Variants in UBE2H observed in about 807,000 individuals in gnomAD.
UBE2H encodes ubiquitin conjugating enzyme E2 H, also known as ubiquitin-conjugating enzyme E2 H.
Under a neutral mutation model 29.0 loss-of-function variants are expected in UBE2H, and 3 were observed. That is an observed-to-expected ratio of 0.10 (90% CI 0.05 to 0.27). The LOEUF is 0.27. Ranked by LOEUF, UBE2H falls within the 10% of genes least tolerant of loss-of-function variation. The pLI is 1.00. For missense variants in UBE2H, 68 were observed against 228.2 expected (o/e 0.30, Z 4.52); for synonymous variants, 69 against 82.9 (o/e 0.83, Z 0.91).
At chr7:129,885,083 AAC>A (rs1446885445) in intron 1 of UBE2H, among the ~76,000 whole-genome samples, 1 of 151,904 alleles carries the variant, frequency 6.6e-6, no homozygotes, top group African/African-American at 2.4e-5. Flanking sequence ...AAAGGCAAAA[AAC>A]ACAAACCACA....
At chr7:129,905,662 C>G (rs1806801110) in intron 1 of UBE2H, among the ~76,000 whole-genome samples, 1 of 152,148 alleles carries the variant, frequency 6.6e-6, no homozygotes, top group African/African-American at 2.4e-5. Flanking sequence ...GTGAACCTCA[C>G]AGACACAGAA....
In UBE2H at chr7:129,832,112, A is replaced by G. The variant is rs1184863459; in HGVS notation, c.*2825T>C. The G allele has an allele frequency of 1.3e-5, 2 of 152,232 alleles. No individual in the cohort carries two copies. The highest frequency in any genetic ancestry group is 2.4e-5 in the African/African-American group (1 of 41,436). The allele number at this position is 152,232 out of a possible 1,614,324, so 9.4% of individuals were successfully genotyped here. On this transcript the variant is annotated 3_prime_UTR_variant, in exon 7 of 7. Transcript: ENST00000355621. ...AACACCGCTGCTCCAGACTTACGCT[A>G]CCATCTATTGTTGGGGGCCCAGAGT... is the stretch of plus-strand genomic sequence containing the variant.
At chr7:129,851,013 CA>C (rs931389618) in intron 5 of UBE2H, among the ~76,000 whole-genome samples, 1 of 152,110 alleles carries the variant, frequency 6.6e-6, no homozygotes, top group Non-Finnish European at 1.5e-5. Flanking sequence ...ACCAGGCCAC[CA>C]AACTGAGGTG....
At chr7:129,938,413 CAAAAAA>C (rs34454670) in intron 1 of UBE2H, among the ~76,000 whole-genome samples, 10 of 38,040 alleles carry the variant, frequency 2.6e-4, no homozygotes, top group African/African-American at 1.2e-3. Context: ...CTGCCTCATT[CAAAAAA>C]AAAAAAAAAA....
chr7:129,899,002 C>A (rs2116416968), intron 1 of UBE2H, among the ~76,000 whole-genome samples: 1 of 152,284 alleles, frequency 6.6e-6, no homozygotes, highest in Admixed American at 6.5e-5. Flanking sequence ...TCTGTAAATA[C>A]CTCTGCCCAT....
At chr7:129,934,167 C>T (rs1254374789) in intron 1 of UBE2H, among the ~76,000 whole-genome samples, 1 of 151,998 alleles carries the variant, frequency 6.6e-6, no homozygotes, top group Non-Finnish European at 1.5e-5. Context: ...ACTAAAATTA[C>T]AAAAATTATC....
intron 1 of UBE2H, among the ~76,000 whole-genome samples, chr7:129,936,337 GT>G (rs1221802702): frequency 2.6e-5 from 4 of 152,330 alleles, no homozygotes; most frequent in African/African-American, 9.6e-5. Context: ...GCTCACGCCT[GT>G]AATCCCAGTA....
intron 1 of UBE2H, among the ~76,000 whole-genome samples, chr7:129,934,767 AT>A (rs574495704): frequency 1.8e-4 from 27 of 151,536 alleles, no homozygotes; most frequent in African/African-American, 6.3e-4. Flanking sequence ...ATATAAAAAA[AT>A]AAAATAAAAA....
intron 1 of UBE2H, among the ~76,000 whole-genome samples, chr7:129,928,408 G>A (rs188994164): frequency 1.5e-4 from 23 of 152,294 alleles, no homozygotes; most frequent in African/African-American, 5.5e-4. Context: ...TTCAAGACCA[G>A]CCTCGCCAAC....
At chr7:129,870,587 C>T (rs538107201) in intron 3 of UBE2H, among the ~76,000 whole-genome samples, 13 of 152,180 alleles carry the variant, frequency 8.5e-5, no homozygotes, top group African/African-American at 2.9e-4. Flanking sequence ...GTCTTCACAG[C>T]GGTGTATGTC....
chr7:129,904,484 C>T (rs1806777666), intron 1 of UBE2H, among the ~76,000 whole-genome samples: 1 of 152,174 alleles, frequency 6.6e-6, no homozygotes, highest in South Asian at 2.1e-4. Context: ...ACATGCCCAA[C>T]AGACCATCCC....
Position 129,832,491 on chromosome 7 carries a change from CACAT to C in UBE2H, c.*2442_*2445del, listed in dbSNP as rs1390614251. On this transcript the variant is annotated 3_prime_UTR_variant, in exon 7 of 7. Coordinates refer to ENST00000355621, the MANE Select transcript of UBE2H (RefSeq NM_003344.4). ...TCGCTCACACTCTCACACATGTGCA[CACAT>C]ACACACACTCTCTCTCTCTGCAGCC... is the stretch of plus-strand genomic sequence containing the variant. 1.4e-4 allele frequency: 2 copies of C among 14,524 alleles called. No individual in the cohort carries two copies. The highest frequency in any genetic ancestry group is 4.5e-4 in the African/African-American group (2 of 4,478). The allele number at this position is 14,524 out of a possible 1,614,324, so 0.9% of individuals were successfully genotyped here.
intron 3 of UBE2H, among the ~76,000 whole-genome samples, chr7:129,866,474 G>A (rs1421857515): frequency 2.0e-5 from 3 of 152,062 alleles, no homozygotes; most frequent in Non-Finnish European, 2.9e-5. Context: ...TCGCTGGGTC[G>A]TTCATATAAC....
chr7:129,929,415 CAA>C (rs936074827), intron 1 of UBE2H, among the ~76,000 whole-genome samples: 11 of 151,650 alleles, frequency 7.3e-5, no homozygotes, highest in Admixed American at 7.2e-4. Flanking sequence ...CCTCTCCACA[CAA>C]AAAGAGACAC....
chr7:129,925,088 G>A (rs949425110), intron 1 of UBE2H, among the ~76,000 whole-genome samples: 5 of 152,098 alleles, frequency 3.3e-5, no homozygotes, highest in Admixed American at 6.6e-5. Context: ...GGTGGTTCAC[G>A]CCTATAATCC....
chr7:129,911,650 T>C (rs1806940794), intron 1 of UBE2H, among the ~76,000 whole-genome samples: 1 of 152,006 alleles, frequency 6.6e-6, no homozygotes, highest in South Asian at 2.1e-4. Flanking sequence ...TTTTAATTAT[T>C]TTTTAGAGAC....
At chr7:129,914,091 C>T (rs781053930) in intron 1 of UBE2H, among the ~76,000 whole-genome samples, 5 of 152,118 alleles carry the variant, frequency 3.3e-5, no homozygotes, top group Non-Finnish European at 5.9e-5. Context: ...TCTGGCCAGA[C>T]AGCCTCAGAA....
At chr7:129,894,945 G>A (rs1462410800) in intron 1 of UBE2H, among the ~76,000 whole-genome samples, 1 of 152,138 alleles carries the variant, frequency 6.6e-6, no homozygotes, top group Admixed American at 6.5e-5. Context: ...AGTCCTGCAA[G>A]ATTCTCAAGA....
At chr7:129,900,656 C>T (rs1170309980) in intron 1 of UBE2H, among the ~76,000 whole-genome samples, 1 of 151,576 alleles carries the variant, frequency 6.6e-6, no homozygotes, top group Non-Finnish European at 1.5e-5. Flanking sequence ...TTTTAGGGTA[C>T]ATGTGCACAT....
Sources: gnomAD v4.1 joint callset for allele counts (sites outside exome capture counted in the v4.1 genomes callset) on GRCh38, gnomAD v4.1.1 for gene constraint, MANE v1.5 for transcripts, NCBI Gene and HGNC (gene_info 2026-07-23, HGNC 2026-07-21) for gene names.